The following ZNF704 variants were observed in gnomAD, a reference collection of about 807,000 sequenced individuals.
ZNF704 encodes glucocorticoid induced gene 1.
In ZNF704, 10 loss-of-function variants were observed where a neutral mutation model predicts 44.7. The observed-to-expected ratio is 0.22, with a 90% CI of 0.14 to 0.38. ZNF704 has a LOEUF of 0.38. ZNF704 is among the 10% of genes least tolerant of loss of function. The pLI is 1.00. For missense variants in ZNF704, 390 were observed against 545.5 expected, an observed-to-expected ratio of 0.71 and a Z score of 2.84; for synonymous variants, 211 against 207.6, an observed-to-expected ratio of 1.02 and a Z score of -0.14.
At chr8:80,692,802 T>C (rs6473246) in intron 3 of ZNF704, among the ~76,000 whole-genome samples, 25,794 of 152,056 alleles carry the variant, frequency 0.17, 4,409 homozygotes, top group African/African-American at 0.44. Context: ...GATGGGTGAA[T>C]GAGAAGCAGT....
intron 2 of ZNF704, among the ~76,000 whole-genome samples, chr8:80,748,557 C>T (rs932752926): frequency 3.9e-5 from 6 of 152,142 alleles, no homozygotes; most frequent in East Asian, 1.9e-4. Flanking sequence ...GTATTAGCAA[C>T]GTCGTTCTTT....
chr8:80,724,493 A>G (rs1806437168), intron 2 of ZNF704, among the ~76,000 whole-genome samples: 2 of 152,148 alleles, frequency 1.3e-5, no homozygotes, highest in African/African-American at 4.8e-5. Flanking sequence ...TTTTAATTGT[A>G]TACACTATTC....
intron 2 of ZNF704, among the ~76,000 whole-genome samples, chr8:80,758,130 C>T (rs1340864030): frequency 1.3e-5 from 2 of 152,296 alleles, no homozygotes; most frequent in South Asian, 2.1e-4. Flanking sequence ...TCAAATACAT[C>T]TTCACTGTCA....
At chr8:80,856,517 A>G (rs758725074) in intron 1 of ZNF704, among the ~76,000 whole-genome samples, 16 of 152,138 alleles carry the variant, frequency 1.1e-4, no homozygotes, top group Non-Finnish European at 1.9e-4. Flanking sequence ...TATATCTATG[A>G]TCCATTTTTA....
intron 2 of ZNF704, among the ~76,000 whole-genome samples, chr8:80,807,528 T>C (rs1161066403): frequency 6.6e-6 from 1 of 150,670 alleles, no homozygotes. Flanking sequence ...ACATTTCTAA[T>C]TGACCCCCCC....
chr8:80,706,543 C>T (rs999440324), intron 2 of ZNF704, among the ~76,000 whole-genome samples: 1 of 152,194 alleles, frequency 6.6e-6, no homozygotes, highest in African/African-American at 2.4e-5. Context: ...ACAGAGCCAC[C>T]CATATTGGGC....
intron 2 of ZNF704, among the ~76,000 whole-genome samples, chr8:80,784,606 G>C (rs1020938058): frequency 6.6e-6 from 1 of 152,070 alleles, no homozygotes; most frequent in African/African-American, 2.4e-5. Flanking sequence ...TTTTAATTGG[G>C]TTGTTTTTTT....
intron 1 of ZNF704, among the ~76,000 whole-genome samples, chr8:80,846,401 TAC>T (rs33922681): frequency 0.75 from 110,800 of 148,382 alleles, 42,467 homozygotes; most frequent in East Asian, 0.95. Flanking sequence ...AGAGATTTCA[TAC>T]ACACACACAC....
At chr8:80,802,536 T>C (rs1325226887) in intron 2 of ZNF704, among the ~76,000 whole-genome samples, 2 of 152,166 alleles carry the variant, frequency 1.3e-5, no homozygotes, top group Admixed American at 6.5e-5. Flanking sequence ...CGGTTCGACA[T>C]ACACAAACCA....
intron 1 of ZNF704, among the ~76,000 whole-genome samples, chr8:80,844,815 T>A (rs1012416007): frequency 2.6e-5 from 4 of 151,178 alleles, no homozygotes; most frequent in African/African-American, 4.9e-5. Context: ...AAGCTTGAAT[T>A]TTTTTTCTTC....
At chr8:80,665,790 A>G (rs1367511969) in intron 5 of ZNF704, among the ~76,000 whole-genome samples, 3 of 152,002 alleles carry the variant, frequency 2.0e-5, no homozygotes, top group Non-Finnish European at 4.4e-5. Flanking sequence ...GTTGTTAAGC[A>G]GGATTAGTAA....
At chr8:80,823,235 T>C (rs1808309435) in intron 1 of ZNF704, among the ~76,000 whole-genome samples, 1 of 152,218 alleles carries the variant, frequency 6.6e-6, no homozygotes, top group African/African-American at 2.4e-5. Context: ...CACTGCGCTT[T>C]TCCAATGGCC....
intron 2 of ZNF704, among the ~76,000 whole-genome samples, chr8:80,801,714 G>C (rs1807902757): frequency 6.6e-6 from 1 of 152,108 alleles, no homozygotes; most frequent in African/African-American, 2.4e-5. Flanking sequence ...CAAAAAGCTA[G>C]AAAGGTCTCA....
intron 2 of ZNF704, among the ~76,000 whole-genome samples, chr8:80,713,194 AT>A (rs576939354): frequency 9.2e-5 from 14 of 152,150 alleles, no homozygotes; most frequent in South Asian, 6.2e-4. Context: ...CAATTCTTGA[AT>A]TGTTTTGTCA....
At chr8:80,659,731 T>C in intron 6 of ZNF704, 42 bp from the exon 7 acceptor site, 13 of 1,478,700 alleles carry the variant, frequency 8.8e-6, no homozygotes, top group African/African-American at 1.4e-5. Flanking sequence ...GAAGGAATAT[T>C]TTCCTTCGGA....
At chr8:80,644,742 C>G (rs1817800428) in intron 7 of ZNF704, among the ~76,000 whole-genome samples, 2 of 152,358 alleles carry the variant, frequency 1.3e-5, no homozygotes, top group South Asian at 4.1e-4. Context: ...GAGCACTCAT[C>G]TGGCTGGGCT....
chr8:80,711,099 A>G (rs1357949282), intron 2 of ZNF704, among the ~76,000 whole-genome samples: 1 of 152,184 alleles, frequency 6.6e-6, no homozygotes, highest in Non-Finnish European at 1.5e-5. Flanking sequence ...AAATAGGCAC[A>G]TGAATCTCAG....
chr8:80,775,735 A>G (rs1391704387), intron 2 of ZNF704, among the ~76,000 whole-genome samples: 1 of 152,238 alleles, frequency 6.6e-6, no homozygotes, highest in Admixed American at 6.5e-5. Context: ...GTACAATACA[A>G]TACAGTTGTT....
intron 4 of ZNF704, among the ~76,000 whole-genome samples, chr8:80,676,586 TG>T (rs1211057857): frequency 6.6e-6 from 1 of 152,164 alleles, no homozygotes; most frequent in African/African-American, 2.4e-5. Context: ...AGGCAGGAAG[TG>T]GGGTCAGAAC....
Sources: gnomAD v4.1 joint callset for allele counts (sites outside exome capture counted in the v4.1 genomes callset) on GRCh38, gnomAD v4.1.1 for gene constraint, MANE v1.5 for transcripts, NCBI Gene and HGNC (gene_info 2026-07-23, HGNC 2026-07-21) for gene names.